MAP2K6: variants seen among roughly 807,000 people sequenced by gnomAD.
The protein encoded by MAP2K6 is mitogen-activated protein kinase kinase 6, also known as dual specificity mitogen-activated protein kinase kinase 6.
In MAP2K6, 16 loss-of-function variants were observed where a neutral mutation model predicts 53.7. That is an observed-to-expected ratio of 0.30 (90% CI 0.20 to 0.45). MAP2K6 has a LOEUF of 0.45. Ranked by LOEUF, MAP2K6 falls within the 20% of genes least tolerant of loss-of-function variation. MAP2K6 has a pLI of 1.00. For synonymous variants in MAP2K6, 132 were observed against 143.1 expected (o/e 0.92, Z 0.55); for missense variants, 204 against 411.9 (o/e 0.50, Z 4.37).
At chr17:69,530,707 G>T (rs1911038013) in intron 10 of MAP2K6, among the ~76,000 whole-genome samples, 1 of 152,080 alleles carries the variant, frequency 6.6e-6, no homozygotes, top group South Asian at 2.1e-4. Flanking sequence ...TTTTCAACTG[G>T]GTTGAAAAAG....
At chr17:69,430,282 GC>G (rs370662816) in intron 1 of MAP2K6, among the ~76,000 whole-genome samples, 2 of 152,142 alleles carry the variant, frequency 1.3e-5, no homozygotes, top group Admixed American at 1.3e-4. Flanking sequence ...GTTGCAGTGA[GC>G]CAAGATCGTG....
chr17:69,454,416 G>T (rs1051188112), intron 1 of MAP2K6, among the ~76,000 whole-genome samples: 2 of 152,062 alleles, frequency 1.3e-5, no homozygotes, highest in Non-Finnish European at 2.9e-5. Flanking sequence ...ACCAAGTCTT[G>T]CTCTGTTGCC....
intron 1 of MAP2K6, among the ~76,000 whole-genome samples, chr17:69,426,056 T>G (rs568492671): frequency 6.6e-6 from 1 of 152,318 alleles, no homozygotes; most frequent in African/African-American, 2.4e-5. Context: ...CAAAGGTTTT[T>G]GTTTGTTTGT....
chr17:69,426,411 A>G (rs1906278089), intron 1 of MAP2K6, among the ~76,000 whole-genome samples: 2 of 152,256 alleles, frequency 1.3e-5, no homozygotes, highest in South Asian at 2.1e-4. Context: ...AGTGCTTGGC[A>G]TTCATTTATT....
chr17:69,536,767 A>G (rs1299915001), intron 11 of MAP2K6, among the ~76,000 whole-genome samples: 1 of 152,348 alleles, frequency 6.6e-6, no homozygotes, highest in East Asian at 1.9e-4. Context: ...TTGTATTAAA[A>G]TAACGTTTCT....
At chr17:69,463,472 A>G (rs1381829721) in intron 1 of MAP2K6, among the ~76,000 whole-genome samples, 1 of 150,012 alleles carries the variant, frequency 6.7e-6, no homozygotes, top group African/African-American at 2.4e-5. Context: ...ATGTGTGTAT[A>G]TATATACACA....
intron 1 of MAP2K6, among the ~76,000 whole-genome samples, chr17:69,490,819 G>A (rs1344605824): frequency 6.6e-6 from 1 of 151,882 alleles, no homozygotes; most frequent in Non-Finnish European, 1.5e-5. Context: ...CATTACCCAA[G>A]TATTAAGCCT....
At chr17:69,437,766 G>A (rs1324668425) in intron 1 of MAP2K6, among the ~76,000 whole-genome samples, 1 of 152,150 alleles carries the variant, frequency 6.6e-6, no homozygotes, top group Non-Finnish European at 1.5e-5. Flanking sequence ...CCTGGAAGCC[G>A]CTAATCTACT....
intron 10 of MAP2K6, among the ~76,000 whole-genome samples, chr17:69,529,591 A>C (rs113905153): frequency 0.14 from 20,410 of 148,462 alleles, 1,774 homozygotes; most frequent in Middle Eastern, 0.25. Context: ...GCTCACTGCA[A>C]GCTCCGCCTC....
intron 1 of MAP2K6, among the ~76,000 whole-genome samples, chr17:69,449,559 T>TTCTTTCTTTG (rs1907120218): frequency 1.2e-5 from 1 of 84,778 alleles, no homozygotes; most frequent in South Asian, 2.9e-4. Flanking sequence ...CTTTCTTTCT[T>TTCTTTCTTTG]TATTTCTTTC....
At chr17:69,442,954 A>G (rs1000291930) in intron 1 of MAP2K6, among the ~76,000 whole-genome samples, 1 of 152,178 alleles carries the variant, frequency 6.6e-6, no homozygotes, top group African/African-American at 2.4e-5. Context: ...TTGGTCTTCT[A>G]TTAATATAAA....
intron 1 of MAP2K6, among the ~76,000 whole-genome samples, chr17:69,465,916 G>T (rs1354329154): frequency 2.0e-4 from 30 of 150,266 alleles, no homozygotes; most frequent in Non-Finnish European, 3.8e-4. Flanking sequence ...ACTGCACCCA[G>T]CCCTGGTGAT....
At chr17:69,520,581 G>T (rs1163697388) in intron 6 of MAP2K6, 195 bp downstream of exon 6, 2 of 537,880 alleles carry the variant, frequency 3.7e-6, no homozygotes, top group Admixed American at 3.7e-5. Context: ...CACTGCTTTG[G>T]TTTGGCAGAC....
chr17:69,491,004 G>T (rs1217029706), intron 1 of MAP2K6, among the ~76,000 whole-genome samples: 2 of 152,152 alleles, frequency 1.3e-5, no homozygotes, highest in African/African-American at 4.8e-5. Context: ...GTTTGCTAAA[G>T]ATAATATCCT....
chr17:69,516,276 C>T (rs190112301), intron 2 of MAP2K6, among the ~76,000 whole-genome samples: 5 of 151,980 alleles, frequency 3.3e-5, no homozygotes, highest in Middle Eastern at 3.4e-3. Flanking sequence ...ATTAGATTCT[C>T]ATAAGGAGTG....
chr17:69,522,280 G>C (rs1415376301), intron 7 of MAP2K6, among the ~76,000 whole-genome samples: 1 of 152,066 alleles, frequency 6.6e-6, no homozygotes, highest in Admixed American at 6.6e-5. Flanking sequence ...AGGAAGATGA[G>C]AAGAAAATAG....
intron 2 of MAP2K6, among the ~76,000 whole-genome samples, chr17:69,514,414 T>C (rs1167965216): frequency 6.6e-6 from 1 of 152,202 alleles, no homozygotes; most frequent in East Asian, 1.9e-4. Flanking sequence ...GCATTGTTTT[T>C]TTCTCTCTCT....
chr17:69,550,849 T>G lies in MAP2K6; in HGVS notation c.*9096T>G, dbSNP rs949533391. ...GGAACGTTGGATTAAATGACCACTTTAGGACTTTAAACAGTCTCAAATATG... is the reference window on the plus strand; with the variant it reads ...GGAACGTTGGATTAAATGACCACTTGAGGACTTTAAACAGTCTCAAATATG... On this transcript the variant is annotated 3_prime_UTR_variant, in exon 12 of 12. Transcript: ENST00000590474. The G allele has an allele frequency of 6.6e-6, 1 of 152,230 alleles. No individual in the cohort carries two copies. The highest frequency in any genetic ancestry group is 1.5e-5 in the Non-Finnish European group (1 of 68,044). The allele number at this position is 152,230 out of a possible 1,614,324, so 9.4% of individuals were successfully genotyped here.
chr17:69,536,024 T>C lies in MAP2K6; in HGVS notation c.882-91T>C. On this transcript the variant is annotated intron_variant, in intron 10 of 11. Transcript: ENST00000590474. ...GTTTTCAATACACTTTTAAAGCTGA[T>C]TATGTTTAGTGTTCTACAGGTTCTG... is the stretch of plus-strand genomic sequence containing the variant. The C allele has an allele frequency of 2.5e-6, 2 of 809,928 alleles. 1 individual carries two copies. Among genetic ancestry groups the C allele is most frequent in the Non-Finnish European group, 4.2e-6 (2 of 474,444 alleles). 50.2% of individuals were successfully genotyped at this position (809,928 alleles called of 1,614,324 possible). A position where few individuals can be genotyped will look rare whatever the true frequency, so the allele number is the denominator to read the frequency against.
Sources: allele counts gnomAD v4.1 joint callset (sites outside exome capture counted in the v4.1 genomes callset), GRCh38; gene constraint gnomAD v4.1.1; transcripts MANE v1.5; gene names NCBI Gene and HGNC (gene_info 2026-07-23, HGNC 2026-07-21).